The following SLC24A4 variants were observed in gnomAD, a reference collection of about 807,000 sequenced individuals.
SLC24A4 encodes sodium/potassium/calcium exchanger 4.
In SLC24A4, 53 loss-of-function variants were observed where a neutral mutation model predicts 79.0. The observed-to-expected ratio is 0.67, with a 90% CI of 0.54 to 0.84. The LOEUF (loss-of-function observed/expected upper bound fraction) is 0.84, where lower values mean the gene tolerates loss of function less well. Ranked by LOEUF, SLC24A4 falls within the 40% of genes least tolerant of loss-of-function variation. SLC24A4 has a pLI of 0.00. For missense variants in SLC24A4, 731 were observed against 822.0 expected (o/e 0.89, Z 1.35); for synonymous variants, 323 against 323.8 (o/e 1.00, Z 0.03).
At chr14:92,373,171 T>TATAC (rs142493525) in intron 2 of SLC24A4, among the ~76,000 whole-genome samples, 26 of 142,972 alleles carry the variant, frequency 1.8e-4, no homozygotes, top group Non-Finnish European at 6.1e-5. Context: ...AGCTAATTTA[T>TATAC]ACACACACAC....
At position 92,412,815 on chromosome 14, in the gene SLC24A4, A is replaced by C. The variant is rs554379022; in HGVS notation, c.242-21097A>C. On this transcript the variant is annotated intron_variant, in intron 2 of 16. Transcript: ENST00000532405. ...ATGTTTCTAAAGTAAGGGCCAATCA[A>C]CTACAGCCTGCGGGTCAAATTCAGC... 3.0e-4 allele frequency among the ~76,000 whole-genome samples: 46 copies of C among 152,164 alleles called. No individual in the cohort carries two copies. The Middle Eastern group carries it at 0.01, about 34-fold the overall frequency.
At chr14:92,473,285 C>T (rs905990716) in intron 12 of SLC24A4, among the ~76,000 whole-genome samples, 1 of 152,212 alleles carries the variant, frequency 6.6e-6, no homozygotes, top group African/African-American at 2.4e-5. Context: ...TGTGTGTGAA[C>T]AAGCCCCCCA....
upstream of SLC24A4, among the ~76,000 whole-genome samples, chr14:92,322,903 C>T (rs1040712564): frequency 6.6e-6 from 1 of 152,096 alleles, no homozygotes; most frequent in Non-Finnish European, 1.5e-5. Context: ...CCCAGCGGTG[C>T]CATAACCTGT....
At chr14:92,351,637 A>T (rs1411502612) in intron 2 of SLC24A4, among the ~76,000 whole-genome samples, 1 of 152,158 alleles carries the variant, frequency 6.6e-6, no homozygotes, top group Non-Finnish European at 1.5e-5. Flanking sequence ...CGGGTGGATC[A>T]CTTGAAGCCA....
At chr14:92,362,686 C>T (rs2141669241) in intron 2 of SLC24A4, among the ~76,000 whole-genome samples, 1 of 152,314 alleles carries the variant, frequency 6.6e-6, no homozygotes, top group Admixed American at 6.5e-5. Context: ...TCACAGTGAT[C>T]CCCCCGAGGC....
At chr14:92,352,074 C>T (rs553878897) in intron 2 of SLC24A4, among the ~76,000 whole-genome samples, 4 of 152,222 alleles carry the variant, frequency 2.6e-5, no homozygotes, top group Admixed American at 2.0e-4. Context: ...ATTTGAGCCC[C>T]TGCTGTTCCA....
chr14:92,363,561 C>T (rs1313992550), intron 2 of SLC24A4, among the ~76,000 whole-genome samples: 1 of 152,218 alleles, frequency 6.6e-6, no homozygotes, highest in Non-Finnish European at 1.5e-5. Flanking sequence ...CCTCCTTTTA[C>T]AGGCTCACGC....
intron 2 of SLC24A4, among the ~76,000 whole-genome samples, chr14:92,405,868 G>A (rs1215506618): frequency 1.3e-5 from 2 of 152,098 alleles, no homozygotes; most frequent in South Asian, 4.1e-4. Flanking sequence ...CAAATCTCAT[G>A]TCTTTCTCAC....
intron 2 of SLC24A4, among the ~76,000 whole-genome samples, chr14:92,423,761 G>T (rs889765565): frequency 6.6e-6 from 1 of 152,228 alleles, no homozygotes; most frequent in Non-Finnish European, 1.5e-5. Context: ...GAAAGGGCAG[G>T]CTTCAGGTGT....
chr14:92,466,523 TAA>T (rs1894129399), intron 12 of SLC24A4, among the ~76,000 whole-genome samples: 1 of 152,212 alleles, frequency 6.6e-6, no homozygotes, highest in South Asian at 2.1e-4. Context: ...ATCAATTTAA[TAA>T]GTCTAAATTT....
At position 92,404,472 on chromosome 14, in the gene SLC24A4, C is replaced by A. The variant is rs1372831911; in HGVS notation, c.242-29440C>A. 2.0e-5 allele frequency among the ~76,000 whole-genome samples: 3 copies of A among 152,314 alleles called. No individual in the cohort carries two copies. The East Asian group carries it at 5.8e-4, about 30-fold the overall frequency. On this transcript the variant is annotated intron_variant, in intron 2 of 16. Transcript: ENST00000532405. ...CCCTGAGCCCCCAGTCCCCATCCAT[C>A]ACAGTGCTCCAGCACACTGGCAGGA... is the stretch of plus-strand genomic sequence containing the variant.
chr14:92,468,331 A>G (rs1389403746), intron 12 of SLC24A4, among the ~76,000 whole-genome samples: 6 of 152,202 alleles, frequency 3.9e-5, no homozygotes, highest in Admixed American at 6.5e-5. Flanking sequence ...AAAAATGATA[A>G]TAGTCCTCAG....
chr14:92,368,941 G>C (rs1888002707), intron 2 of SLC24A4, among the ~76,000 whole-genome samples: 1 of 152,174 alleles, frequency 6.6e-6, no homozygotes. Flanking sequence ...CCACTCCTAA[G>C]GCAGAAGAGC....
chr14:92,391,715 A>C (rs949768344), intron 2 of SLC24A4, among the ~76,000 whole-genome samples: 6 of 152,238 alleles, frequency 3.9e-5, no homozygotes, highest in African/African-American at 1.4e-4. Flanking sequence ...TTTTGCGAAT[A>C]GATCATGAGA....
At chr14:92,397,197 C>T (rs1025050558) in intron 2 of SLC24A4, among the ~76,000 whole-genome samples, 18 of 152,094 alleles carry the variant, frequency 1.2e-4, no homozygotes, top group South Asian at 2.1e-4. Flanking sequence ...AAATCTATCA[C>T]GGTGGATAAT....
intron 2 of SLC24A4, among the ~76,000 whole-genome samples, chr14:92,407,886 TG>T (rs1890485041): frequency 1.3e-5 from 2 of 151,122 alleles, no homozygotes; most frequent in South Asian, 4.2e-4. Context: ...TGTGTGTGTG[TG>T]TGTGTGTGTG....
intron 2 of SLC24A4, among the ~76,000 whole-genome samples, chr14:92,358,084 A>G (rs1887282659): frequency 6.6e-6 from 1 of 152,236 alleles, no homozygotes; most frequent in African/African-American, 2.4e-5. Flanking sequence ...TGGAGCAGAC[A>G]GGGAAATTAA....
chr14:92,473,858 C>G (rs1255787124), intron 12 of SLC24A4, among the ~76,000 whole-genome samples: 1 of 152,204 alleles, frequency 6.6e-6, no homozygotes, highest in Non-Finnish European at 1.5e-5. Flanking sequence ...TAGAACTATC[C>G]TTGGGCTAGT....
intron 2 of SLC24A4, among the ~76,000 whole-genome samples, chr14:92,394,145 A>T (rs1889643766): frequency 6.6e-6 from 1 of 152,014 alleles, no homozygotes. Context: ...ATTCCAGATG[A>T]CATACTGTTA....
Sources: gnomAD v4.1 joint callset for allele counts (sites outside exome capture counted in the v4.1 genomes callset) on GRCh38, gnomAD v4.1.1 for gene constraint, MANE v1.5 for transcripts, NCBI Gene and HGNC (gene_info 2026-07-23, HGNC 2026-07-21) for gene names.